The following BRAF variants were observed in gnomAD, a reference collection of about 807,000 sequenced individuals.
The protein encoded by BRAF is B-Raf proto-oncogene, serine/threonine kinase.
In BRAF, 16 loss-of-function variants were observed where a neutral mutation model predicts 104.6. The observed-to-expected ratio is 0.15, with a 90% CI of 0.10 to 0.23. BRAF has a LOEUF of 0.23. Ranked by LOEUF, BRAF falls within the 10% of genes least tolerant of loss-of-function variation. BRAF has a pLI of 1.00. For missense variants in BRAF, 541 were observed against 937.3 expected (o/e 0.58, Z 5.52); for synonymous variants, 310 against 341.6 (o/e 0.91, Z 1.02).
At chr7:140,890,046 A>G (rs1430724479) in intron 1 of BRAF, among the ~76,000 whole-genome samples, 1 of 152,212 alleles carries the variant, frequency 6.6e-6, no homozygotes, top group Non-Finnish European at 1.5e-5. Context: ...TTAAGAGTAC[A>G]GACTTTAAGA....
chr7:140,828,081 G>T (rs1281004050), intron 3 of BRAF, among the ~76,000 whole-genome samples: 1 of 152,010 alleles, frequency 6.6e-6, no homozygotes, highest in African/African-American at 2.4e-5. Flanking sequence ...TTATAGTAGA[G>T]ATGTGGGTTT....
At chr7:140,804,509 G>A (rs1199324161) in intron 5 of BRAF, among the ~76,000 whole-genome samples, 1 of 151,626 alleles carries the variant, frequency 6.6e-6, no homozygotes. Context: ...ATTTTCAAAT[G>A]AGACAGGATT....
intron 1 of BRAF, among the ~76,000 whole-genome samples, chr7:140,866,924 A>ACC (rs972258425): frequency 6.6e-6 from 1 of 151,528 alleles, no homozygotes; most frequent in African/African-American, 2.4e-5. Context: ...GTTATGATGC[A>ACC]TTCAATGAAA....
intron 19 of BRAF, chr7:140,731,005 A>T (rs1458552497): frequency 3.3e-5 from 5 of 151,954 alleles, no homozygotes; most frequent in Admixed American, 2.6e-4. Context: ...CATGACTTTC[A>T]AGCAGTTTCT....
chr7:140,791,818 C>T (rs769050343), intron 8 of BRAF, among the ~76,000 whole-genome samples: 5 of 152,154 alleles, frequency 3.3e-5, no homozygotes, highest in South Asian at 2.1e-4. Context: ...CTGGCATTAT[C>T]CTCTACTTCT....
At chr7:140,832,596 G>A (rs1442718406) in intron 3 of BRAF, among the ~76,000 whole-genome samples, 1 of 152,118 alleles carries the variant, frequency 6.6e-6, no homozygotes, top group Non-Finnish European at 1.5e-5. Flanking sequence ...TGATTCATAA[G>A]GCCTTTTAAG....
At chr7:140,801,234 T>C in intron 6 of BRAF, 178 bp downstream of exon 6, 1 of 643,080 alleles carries the variant, frequency 1.6e-6, no homozygotes, top group Admixed American at 3.1e-5. Context: ...AGCATTACAA[T>C]TTGGGAGAGA....
At chr7:140,727,253 G>A (rs1795655444) in intron 19 of BRAF, among the ~76,000 whole-genome samples, 1 of 149,780 alleles carries the variant, frequency 6.7e-6, no homozygotes, top group South Asian at 2.1e-4. Context: ...GTGCAATCTC[G>A]GTTCACTGCA....
intron 7 of BRAF, among the ~76,000 whole-genome samples, chr7:140,798,272 C>CCTTTTTTTTTTTTT (rs1802696983): frequency 8.6e-6 from 1 of 115,624 alleles, no homozygotes. Context: ...CTTTTTTTTT[C>CCTTTTTTTTTTTTT]TTTTTTTTGA....
chr7:140,916,651 T>C (rs1228223633), intron 1 of BRAF, among the ~76,000 whole-genome samples: 1 of 152,218 alleles, frequency 6.6e-6, no homozygotes, highest in Non-Finnish European at 1.5e-5. Flanking sequence ...ATATGTCCTT[T>C]CTTATAAGGA....
chr7:140,811,423 G>A (rs913666853), intron 3 of BRAF, among the ~76,000 whole-genome samples: 1 of 152,148 alleles, frequency 6.6e-6, no homozygotes, highest in African/African-American at 2.4e-5. Flanking sequence ...GAAGAGGAGG[G>A]CTAGGGGACT....
chr7:140,787,749 T>C (rs1801541310), intron 8 of BRAF, among the ~76,000 whole-genome samples, 165 bp from the exon 9 acceptor site: 1 of 152,188 alleles, frequency 6.6e-6, no homozygotes, highest in Non-Finnish European at 1.5e-5. Context: ...GTGAACATAA[T>C]ACAATCTAAA....
intron 5 of BRAF, among the ~76,000 whole-genome samples, chr7:140,802,775 T>C (rs1196261765): frequency 6.6e-6 from 1 of 152,186 alleles, no homozygotes; most frequent in Non-Finnish European, 1.5e-5. Context: ...AACCTTAGTT[T>C]AATGTAAATT....
At chr7:140,845,512 T>TA (rs1384352699) in intron 2 of BRAF, among the ~76,000 whole-genome samples, 1 of 151,996 alleles carries the variant, frequency 6.6e-6, no homozygotes, top group African/African-American at 2.4e-5. Context: ...ACAATCCAAT[T>TA]AAAAAATGGA....
the BRAF span, among the ~76,000 whole-genome samples, chr7:140,714,023 G>A: frequency 6.6e-6 from 1 of 152,180 alleles, no homozygotes; most frequent in African/African-American, 2.4e-5. Context: ...CCCGTACTGG[G>A]GGGTGCCTCC....
chr7:140,816,720 T>C (rs1804920977), intron 3 of BRAF, among the ~76,000 whole-genome samples: 2 of 152,122 alleles, frequency 1.3e-5, no homozygotes, highest in Admixed American at 6.5e-5. Flanking sequence ...GACACTACTC[T>C]ACTCACTGAG....
intron 1 of BRAF, among the ~76,000 whole-genome samples, chr7:140,909,465 A>G (rs982923106): frequency 5.3e-5 from 8 of 152,174 alleles, no homozygotes; most frequent in African/African-American, 1.4e-4. Flanking sequence ...AATCTACCTT[A>G]GTGCAATTTT....
chr7:140,727,447 G>A (rs1237474805), intron 19 of BRAF, among the ~76,000 whole-genome samples: 1 of 152,000 alleles, frequency 6.6e-6, no homozygotes, highest in East Asian at 1.9e-4. Flanking sequence ...GCCTCCCAAA[G>A]TGCTGGGATT....
At chr7:140,806,621 T>A (rs948031830) in intron 5 of BRAF, among the ~76,000 whole-genome samples, 5 of 152,308 alleles carry the variant, frequency 3.3e-5, no homozygotes, top group Admixed American at 3.3e-4. Flanking sequence ...CTAAGAAGAA[T>A]TATTAAGAAA....
Sources: allele counts gnomAD v4.1 joint callset (sites outside exome capture counted in the v4.1 genomes callset), GRCh38; gene constraint gnomAD v4.1.1; transcripts MANE v1.5; gene names NCBI Gene and HGNC (gene_info 2026-07-23, HGNC 2026-07-21).